PITPNC1: variants seen among roughly 807,000 people sequenced by gnomAD.
PITPNC1 encodes the protein cytoplasmic phosphatidylinositol transfer protein 1.
PITPNC1 carries 18 observed loss-of-function variants against 44.7 expected under a neutral mutation model. That is an observed-to-expected ratio of 0.40 (90% confidence interval 0.28 to 0.60). The LOEUF (loss-of-function observed/expected upper bound fraction) is 0.60, where lower values mean the gene tolerates loss of function less well. Among genes scored for constraint, PITPNC1 ranks in the 20% least tolerant of loss-of-function variants. PITPNC1 has a pLI of 0.39. For synonymous variants in PITPNC1, 141 were observed against 149.6 expected (o/e 0.94, Z 0.42); for missense variants, 290 against 418.4 (o/e 0.69, Z 2.68).
At chr17:67,552,188 A>G (rs1398260568) in intron 2 of PITPNC1, 69 bp from the exon 3 acceptor site, 18 of 813,786 alleles carry the variant, frequency 2.2e-5, no homozygotes, top group Middle Eastern at 2.2e-4. Context: ...CATTTTATCC[A>G]GAAAGATGTG....
intron 1 of PITPNC1, among the ~76,000 whole-genome samples, chr17:67,453,500 G>A (rs1367055728): frequency 6.6e-6 from 1 of 152,082 alleles, no homozygotes; most frequent in Admixed American, 6.6e-5. Context: ...CATCAATACC[G>A]TGACCGCCTG....
intron 1 of PITPNC1, among the ~76,000 whole-genome samples, chr17:67,479,080 C>T (rs1051365055): frequency 6.6e-6 from 1 of 151,990 alleles, no homozygotes; most frequent in Non-Finnish European, 1.5e-5. Context: ...GAAAATCTCC[C>T]GATCCAAACC....
At chr17:67,477,996 A>G (rs571525675) in intron 1 of PITPNC1, among the ~76,000 whole-genome samples, 17 of 152,184 alleles carry the variant, frequency 1.1e-4, no homozygotes, top group African/African-American at 3.9e-4. Flanking sequence ...TTCCCCGAGG[A>G]TGAGAGGTTC....
At chr17:67,420,642 G>A in intron 1 of PITPNC1, among the ~76,000 whole-genome samples, 1 of 152,028 alleles carries the variant, frequency 6.6e-6, no homozygotes, top group African/African-American at 2.4e-5. Flanking sequence ...ATGTTGGCCA[G>A]GCTGGTCTTG....
At chr17:67,653,675 A>G (rs2042233354) in intron 6 of PITPNC1, among the ~76,000 whole-genome samples, 1 of 152,086 alleles carries the variant, frequency 6.6e-6, no homozygotes, top group Admixed American at 6.6e-5. Context: ...TGCATTACGG[A>G]ACTTTTCCTG....
intron 2 of PITPNC1, among the ~76,000 whole-genome samples, chr17:67,540,599 T>A (rs537379095): frequency 1.1e-4 from 16 of 152,338 alleles, no homozygotes; most frequent in Admixed American, 7.2e-4. Flanking sequence ...CTCGATTTTT[T>A]ATATATTTTT....
chr17:67,472,776 A>G (rs949344388), intron 1 of PITPNC1, among the ~76,000 whole-genome samples: 1 of 152,158 alleles, frequency 6.6e-6, no homozygotes, highest in African/African-American at 2.4e-5. Flanking sequence ...TCTATTCATT[A>G]GAAGTGAGTC....
At chr17:67,467,740 C>G (rs900899296) in intron 1 of PITPNC1, among the ~76,000 whole-genome samples, 2 of 152,154 alleles carry the variant, frequency 1.3e-5, no homozygotes, top group African/African-American at 4.8e-5. Context: ...TGCCTTTGGG[C>G]CTTGTGTCAA....
chr17:67,522,311 CA>C (rs916350552), intron 1 of PITPNC1, among the ~76,000 whole-genome samples: 88 of 145,590 alleles, frequency 6.0e-4, no homozygotes, highest in Non-Finnish European at 8.7e-4. Flanking sequence ...CCCCCACCAC[CA>C]AAAAAAAAAG....
At chr17:67,614,502 T>G (rs1271619222) in intron 5 of PITPNC1, among the ~76,000 whole-genome samples, 1 of 151,744 alleles carries the variant, frequency 6.6e-6, no homozygotes, top group Admixed American at 6.6e-5. Flanking sequence ...TGAAACCGCA[T>G]CTCTACTAAG....
chr17:67,412,861 C>T (rs561916965), intron 1 of PITPNC1, among the ~76,000 whole-genome samples: 56 of 152,304 alleles, frequency 3.7e-4, no homozygotes, highest in African/African-American at 1.3e-3. Flanking sequence ...CCACCGCGCC[C>T]GGCCTTCATA....
At chr17:67,505,880 C>T (rs1432174725) in intron 1 of PITPNC1, among the ~76,000 whole-genome samples, 1 of 152,176 alleles carries the variant, frequency 6.6e-6, no homozygotes, top group Non-Finnish European at 1.5e-5. Context: ...TGGAGTAACT[C>T]TCTTTTCCCT....
chr17:67,678,638 GCAGA>G (rs2042647298), intron 8 of PITPNC1, among the ~76,000 whole-genome samples: 2 of 152,220 alleles, frequency 1.3e-5, no homozygotes, highest in Non-Finnish European at 2.9e-5. Context: ...TCACACAGAT[GCAGA>G]CACTCAGTGA....
At chr17:67,412,999 CGG>C (rs2038527235) in intron 1 of PITPNC1, among the ~76,000 whole-genome samples, 1 of 152,092 alleles carries the variant, frequency 6.6e-6, no homozygotes, top group East Asian at 1.9e-4. Flanking sequence ...ATAATACCTT[CGG>C]TGTTTTTGAG....
At chr17:67,396,738 C>T (rs376668995) in intron 1 of PITPNC1, among the ~76,000 whole-genome samples, 19 of 152,066 alleles carry the variant, frequency 1.2e-4, no homozygotes, top group African/African-American at 3.9e-4. Flanking sequence ...AATCACTGCT[C>T]GCTGCAGCCT....
chr17:67,458,706 T>C (rs1037914919), intron 1 of PITPNC1, among the ~76,000 whole-genome samples: 2 of 152,232 alleles, frequency 1.3e-5, no homozygotes, highest in Admixed American at 6.5e-5. Context: ...TTTCTGCTTA[T>C]GGTGTATTCT....
At chr17:67,604,994 G>A (rs145853751) in intron 5 of PITPNC1, among the ~76,000 whole-genome samples, 2,314 of 151,836 alleles carry the variant, frequency 0.015, 12 homozygotes, top group Middle Eastern at 0.024. Flanking sequence ...CAGGAGAATC[G>A]TTTGAAACCG....
At chr17:67,651,267 C>T (rs1292578705) in intron 6 of PITPNC1, among the ~76,000 whole-genome samples, 1 of 152,166 alleles carries the variant, frequency 6.6e-6, no homozygotes, top group Non-Finnish European at 1.5e-5. Context: ...AATCCCAGCA[C>T]TTTTGGAGGC....
intron 1 of PITPNC1, among the ~76,000 whole-genome samples, chr17:67,488,938 G>T (rs1208216173): frequency 6.6e-6 from 1 of 152,164 alleles, no homozygotes; most frequent in Non-Finnish European, 1.5e-5. Context: ...TCCTTTTCAG[G>T]AGTGAATAAT....
Sources: gnomAD v4.1 joint callset for allele counts (sites outside exome capture counted in the v4.1 genomes callset) on GRCh38, gnomAD v4.1.1 for gene constraint, MANE v1.5 for transcripts, NCBI Gene and HGNC (gene_info 2026-07-23, HGNC 2026-07-21) for gene names.